CACUL1: variants seen among roughly 807,000 people sequenced by gnomAD.
The protein encoded by CACUL1 is CDK2 associated cullin domain 1.
Under a neutral mutation model 45.2 loss-of-function variants are expected in CACUL1, and 13 were observed. The ratio of observed to expected loss-of-function variants is 0.29; its 90% CI spans 0.19 to 0.46. The LOEUF is 0.46. Among genes scored for constraint, CACUL1 ranks in the 20% least tolerant of loss-of-function variants. The pLI, the probability that CACUL1 is intolerant of heterozygous loss-of-function variation, is 1.00. For missense variants in CACUL1, 421 were observed against 471.4 expected (o/e 0.89, Z 0.99); for synonymous variants, 197 against 174.2 (o/e 1.13, Z -1.03).
intron 4 of CACUL1, 69 bp downstream of exon 4, chr10:118,707,423 C>A: frequency 1.4e-6 from 1 of 721,590 alleles, no homozygotes; most frequent in South Asian, 1.7e-5. Flanking sequence ...ATGCTTAACT[C>A]TCTGCATCTA....
chr10:118,725,361 G>A (rs895963459), intron 3 of CACUL1, among the ~76,000 whole-genome samples: 7 of 152,120 alleles, frequency 4.6e-5, no homozygotes, highest in Non-Finnish European at 8.8e-5. Flanking sequence ...CCAGCTACTT[G>A]GGGTGCTGAG....
intron 3 of CACUL1, among the ~76,000 whole-genome samples, chr10:118,721,380 A>C (rs1490528522): frequency 1.3e-5 from 2 of 152,232 alleles, no homozygotes; most frequent in Non-Finnish European, 2.9e-5. Context: ...AGTTTCTATT[A>C]ATTTCCATTA....
At chr10:118,729,212 C>T (rs1373186834) in intron 3 of CACUL1, 83 bp downstream of exon 3, 3 of 812,224 alleles carry the variant, frequency 3.7e-6, no homozygotes, top group Non-Finnish European at 6.3e-6. Flanking sequence ...AATTAACAAG[C>T]TTCCAAATGT....
chr10:118,691,572 A>G, intron 6 of CACUL1, 169 bp from the exon 7 acceptor site: 2 of 630,876 alleles, frequency 3.2e-6, no homozygotes, highest in Non-Finnish European at 5.4e-6. Flanking sequence ...TTCCCTTCTA[A>G]AAAGAATTTT....
At chr10:118,733,811 A>G (rs933217239) in intron 1 of CACUL1, among the ~76,000 whole-genome samples, 3 of 151,908 alleles carry the variant, frequency 2.0e-5, no homozygotes, top group Non-Finnish European at 4.4e-5. Flanking sequence ...CAGAAGTTCA[A>G]GACTACACTG....
At chr10:118,693,188 C>T (rs909443417) in intron 6 of CACUL1, 1 of 152,334 alleles carries the variant, frequency 6.6e-6, no homozygotes, top group Admixed American at 6.5e-5. Flanking sequence ...TTTAAAAAGC[C>T]TTCTTAAGTG....
At chr10:118,693,610 GCTTATAAGCTGCC>G in intron 6 of CACUL1, 2 of 404,570 alleles carry the variant, frequency 4.9e-6, no homozygotes, top group Non-Finnish European at 9.8e-6. Flanking sequence ...AAAAGCCAGT[GCTTATAAGCTGCC>G]TACTTGGGAG....
Position 118,754,580 on chromosome 10 carries a change from G to A in CACUL1, c.183C>T (p.Pro61=), listed in dbSNP as rs769272273. The A allele has an allele frequency of 2.5e-6, 4 of 1,609,614 alleles. No homozygotes were observed. The highest frequency in any genetic ancestry group is 1.3e-5 in the African/African-American group (1 of 74,648). ...GGCCTTTCCTGTCCACGGAGACCGC[G>A]GGCACCGCCAGCAGCTGCCCCCCCG... ...EPPGGQLLAV[P]AVSVDRKGPK... Residue 61 remains proline, a synonymous_variant, in exon 1 of 9, where the codon CCC becomes CCT. Coordinates refer to ENST00000369151, the MANE Select transcript of CACUL1 (RefSeq NM_153810.5).
chr10:118,744,213 C>T (rs1313950247), intron 1 of CACUL1, among the ~76,000 whole-genome samples: 1 of 152,090 alleles, frequency 6.6e-6, no homozygotes, highest in Non-Finnish European at 1.5e-5. Context: ...TGGCAGAAAC[C>T]CCGTCTCTAC....
intron 8 of CACUL1, 97 bp from the exon 9 acceptor site, chr10:118,686,265 C>T (rs1269736871): frequency 1.5e-5 from 16 of 1,040,332 alleles, no homozygotes; most frequent in Non-Finnish European, 2.1e-5. Context: ...CACTCCTCTC[C>T]CAACTCCCCA....
intron 1 of CACUL1, among the ~76,000 whole-genome samples, chr10:118,750,637 C>G (rs1341199750): frequency 6.6e-6 from 1 of 152,210 alleles, no homozygotes; most frequent in Non-Finnish European, 1.5e-5. Flanking sequence ...GATACATTAA[C>G]GCGGCAGCTA....
intron 1 of CACUL1, among the ~76,000 whole-genome samples, chr10:118,734,886 A>C (rs1845726786): frequency 6.6e-6 from 1 of 152,248 alleles, no homozygotes; most frequent in Non-Finnish European, 1.5e-5. Flanking sequence ...TTCATTCAGG[A>C]AATATTATCA....
At chr10:118,746,579 A>G (rs1845845476) in intron 1 of CACUL1, among the ~76,000 whole-genome samples, 1 of 152,220 alleles carries the variant, frequency 6.6e-6, no homozygotes, top group Admixed American at 6.5e-5. Flanking sequence ...AACAACAGCT[A>G]GAAGAAAAAA....
chr10:118,746,961 G>A (rs964663370), intron 1 of CACUL1, among the ~76,000 whole-genome samples: 2 of 152,214 alleles, frequency 1.3e-5, no homozygotes, highest in Admixed American at 6.5e-5. Flanking sequence ...CCACACATCA[G>A]GAGGTGAGCT....
chr10:118,716,552 C>G (rs898420471), intron 3 of CACUL1, among the ~76,000 whole-genome samples: 1 of 151,596 alleles, frequency 6.6e-6, no homozygotes, highest in African/African-American at 2.4e-5. Context: ...CTAATTCAGA[C>G]TAGCATTCCA....
chr10:118,737,294 C>T (rs931011293), intron 1 of CACUL1, among the ~76,000 whole-genome samples: 1 of 152,154 alleles, frequency 6.6e-6, no homozygotes, highest in Non-Finnish European at 1.5e-5. Context: ...TTATGGTTTG[C>T]ATAATTCAAT....
In CACUL1 at chr10:118,754,413, G is replaced by A; in HGVS notation, c.350C>T (p.Thr117Ile). Reference protein sequence around the residue: ...PTASSTININTSTSKFLMNVI... With the variant: ...PTASSTININISTSKFLMNVI... ...GGACTCACAGAACTTGGAGGTGGAG[G>A]TGTTGATGTTGATGGTGGAGCTGGC... The change falls in exon 1 of 9, where the codon ACC (threonine) becomes ATC (isoleucine). Residue 117 changes from threonine to isoleucine, a missense_variant. Thr to Ile is a moderately conservative substitution (Grantham distance 89, BLOSUM62 -1). This residue lies in a region of CACUL1 where 213 missense variants were observed against 173.1 expected (regional missense o/e 1.23). Transcript: ENST00000369151. 6.3e-7 allele frequency: 1 copy of A among 1,583,140 alleles called. No homozygotes were observed. Among genetic ancestry groups the A allele is most frequent in the Non-Finnish European group, 8.6e-7 (1 of 1,166,068 alleles).
At chr10:118,747,547 A>T (rs1845855916) in intron 1 of CACUL1, among the ~76,000 whole-genome samples, 1 of 149,616 alleles carries the variant, frequency 6.7e-6, no homozygotes, top group Non-Finnish European at 1.5e-5. Flanking sequence ...AAAAAAAAAA[A>T]AAAAAGACTA....
chr10:118,687,251 A>C (rs1589600445), intron 7 of CACUL1, among the ~76,000 whole-genome samples: 1 of 152,188 alleles, frequency 6.6e-6, no homozygotes, highest in Middle Eastern at 3.4e-3. Context: ...AGAGGCTCCC[A>C]TATCTACATC....
Sources: gnomAD v4.1 joint callset for allele counts (sites outside exome capture counted in the v4.1 genomes callset) on GRCh38, gnomAD v4.1.1 for gene constraint, gnomAD v4.1.1 regional missense constraint, MANE v1.5 for transcripts, NCBI Gene and HGNC (gene_info 2026-07-23, HGNC 2026-07-21) for gene names.